Variants in ZNF324B observed in about 807,000 individuals in gnomAD.
ZNF324B encodes zinc finger protein 324B.
A neutral mutation model predicts 10.6 loss-of-function variants in ZNF324B; 7 were observed. The observed-to-expected ratio is 0.66, with a 90% CI of 0.38 to 1.24. The LOEUF (loss-of-function observed/expected upper bound fraction) is 1.24, where lower values mean the gene tolerates loss of function less well. Ranked by LOEUF, ZNF324B falls within the 50% of genes most tolerant of loss-of-function variation. The pLI, the probability that ZNF324B is intolerant of heterozygous loss-of-function variation, is 0.02. For synonymous variants in ZNF324B, 316 were observed against 321.0 expected (o/e 0.98, Z 0.17); for missense variants, 640 against 764.7 (o/e 0.84, Z 1.92).
the ZNF324B span, chr19:58,440,875 G>C: frequency 2.0e-5 from 3 of 152,328 alleles, no homozygotes; most frequent in East Asian, 3.8e-4. Flanking sequence ...TGTAGGCATG[G>C]AACGTGCGCC....
the ZNF324B span, chr19:58,441,534 A>T: frequency 6.6e-6 from 1 of 152,262 alleles, no homozygotes; most frequent in Non-Finnish European, 1.5e-5. Flanking sequence ...CCTCCTGTGG[A>T]GAATAGAGGT....
chr19:58,456,637 A>G lies in ZNF324B; in HGVS notation c.*58A>G. On this transcript the variant is annotated 3_prime_UTR_variant, in exon 4 of 4. Transcript: ENST00000336614. This position sits in a 1 kb window ranked among gnomAD's most constrained non-coding sequence, Gnocchi z 4.7. ...CTTCTGTGAATCCCTTCCACAGCTA[A>G]AGGGTCCGAGTGCTCTTCAGATCCA... 6.4e-7 allele frequency: 1 copy of G among 1,559,226 alleles called. No homozygotes were observed. Among genetic ancestry groups the G allele is most frequent in the East Asian group, 2.3e-5 (1 of 43,908 alleles).
chr19:58,427,446 T>TTC, the ZNF324B span, among the ~76,000 whole-genome samples: 8 of 68,102 alleles, frequency 1.2e-4, 1 homozygote, highest in African/African-American at 2.1e-4. Context: ...TTCCTTCCTT[T>TTC]CCTTTCCCTT....
Position 58,454,547 on chromosome 19 carries a change from C to T in ZNF324B, c.238+203C>T, listed in dbSNP as rs555291204. The T allele has an allele frequency of 6.8e-6, 4 of 588,268 alleles. No homozygotes were observed. In the South Asian group the frequency reaches 8.6e-5, roughly 13 times the overall value. 36.4% of individuals were successfully genotyped at this position (588,268 alleles called of 1,614,324 possible). Reference sequence around the variant, plus strand: ...TCCAAGGGCACAGGAGCTGGGTTCACACAGAAGGGCCTACCTTCAGCTGGG... The same window carrying T: ...TCCAAGGGCACAGGAGCTGGGTTCATACAGAAGGGCCTACCTTCAGCTGGG... On this transcript the variant is annotated intron_variant, in intron 3 of 3. Transcript: ENST00000336614.
the ZNF324B span, among the ~76,000 whole-genome samples, chr19:58,431,700 A>G: frequency 1.3e-5 from 2 of 152,306 alleles, no homozygotes; most frequent in East Asian, 3.9e-4. Context: ...AGCTTTTTAA[A>G]ATAGGTGCCG....
At chr19:58,434,223 T>C in the ZNF324B span, 12 of 1,613,846 alleles carry the variant, frequency 7.4e-6, no homozygotes, top group Middle Eastern at 3.3e-4. Flanking sequence ...ATTTACCACA[T>C]TGACTGCACT....
Position 58,455,089 on chromosome 19 carries a change from C to A in ZNF324B, c.239-94C>A. On this transcript the variant is annotated intron_variant, in intron 3 of 3. Coordinates refer to ENST00000336614, the MANE Select transcript of ZNF324B (RefSeq NM_207395.3). This position sits in a 1 kb window ranked among gnomAD's most constrained non-coding sequence, Gnocchi z 7.0. ...CTTCTTTTTCCCTAAGCTTTTGTCC[C>A]GGCTCCTGGGCTCCCCCTTGCCTGT... The A allele has an allele frequency of 1.3e-6, 2 of 1,548,664 alleles. No individual in the cohort carries two copies. The highest frequency in any genetic ancestry group is 1.8e-6 in the Non-Finnish European group (2 of 1,125,000).
rs1385150391 is a variant in ZNF324B, at chr19:58,455,465, C to T, written c.521C>T (p.Pro174Leu). The T allele has an allele frequency of 1.2e-6, 2 of 1,613,992 alleles. No individual in the cohort carries two copies. Among genetic ancestry groups the T allele is most frequent in the Non-Finnish European group, 1.7e-6 (2 of 1,179,986 alleles). The stretch of plus-strand genomic sequence containing the variant: ...CTCAGGCCCCCCAAGAGCAGCCGGC[C>T]CAGGGAAAAGACCTTCACAGAGTAC... Reference protein sequence around the residue: ...SPLRPPKSSRPREKTFTEYRV... With the variant: ...SPLRPPKSSRLREKTFTEYRV... The change falls in exon 4 of 4, where the codon CCC becomes CTC. Residue 174 changes from proline (P) to leucine (L), a missense_variant. Pro to Leu is a moderately conservative substitution (Grantham distance 98). This residue lies in a region of ZNF324B where 345 missense variants were observed against 387.9 expected (regional missense o/e 0.89). Transcript: ENST00000336614. This position sits in a 1 kb window ranked among gnomAD's most constrained non-coding sequence, Gnocchi z 7.0.
At chr19:58,448,396 G>C (rs1349583425), upstream of ZNF324B, among the ~76,000 whole-genome samples, 1 of 152,216 alleles carries the variant, frequency 6.6e-6, no homozygotes, top group Non-Finnish European at 1.5e-5. Context: ...CCCTGCTGTA[G>C]AGATTTGTGG....
Position 58,456,751 on chromosome 19 carries a change from A to C in ZNF324B, c.*172A>C, listed in dbSNP as rs2052927132. 3 of 782,298 alleles carry C rather than the reference A, an allele frequency of 3.8e-6. No individual in the cohort carries two copies. The Admixed American group carries it at 8.7e-5, about 23-fold the overall frequency. 48.5% of individuals were successfully genotyped at this position (782,298 alleles called of 1,614,324 possible). ...TTTGCAGGTGGGGACAGGATTTGCC[A>C]GTTTAGTCATAGCTCACACCTCCAT... On this transcript the variant is annotated 3_prime_UTR_variant, in exon 4 of 4. Coordinates refer to ENST00000336614, the MANE Select transcript of ZNF324B (RefSeq NM_207395.3). This position sits in a 1 kb window ranked among gnomAD's most constrained non-coding sequence, Gnocchi z 4.7.
chr19:58,445,389 A>G, the ZNF324B span: 3 of 517,568 alleles, frequency 5.8e-6, no homozygotes, highest in Non-Finnish European at 1.2e-5. Flanking sequence ...AAAACCCTCT[A>G]TGAGTGCAGC....
rs1446646336 is a variant in ZNF324B, at chr19:58,455,671, T to C, written c.727T>C (p.Trp243Arg). 5.0e-6 allele frequency: 8 copies of C among 1,613,304 alleles called. No homozygotes were observed. The highest frequency in any genetic ancestry group is 6.8e-6 in the Non-Finnish European group (8 of 1,179,828). Reference protein sequence around the residue: ...RLLGGQEPSTWDELGEALHAG... With the variant: ...RLLGGQEPSTRDELGEALHAG... ...CCTCGGTGGCCAGGAGCCCTCGACC[T>C]GGGACGAGCTGGGCGAGGCTCTTCA... The change falls in exon 4 of 4, where the codon TGG becomes CGG. Residue 243 changes from tryptophan (W) to arginine (R), a missense_variant. Physicochemically the swap from Trp to Arg is moderately radical, Grantham distance 101. Transcript: ENST00000336614. This position sits in a 1 kb window ranked among gnomAD's most constrained non-coding sequence, Gnocchi z 7.0.
the ZNF324B span, among the ~76,000 whole-genome samples, chr19:58,419,947 C>T: frequency 2.0e-5 from 3 of 152,108 alleles, no homozygotes; most frequent in Non-Finnish European, 4.4e-5. Context: ...TGAGTAGCAG[C>T]GACTACAGTT....
chr19:58,442,459 C>G, the ZNF324B span: 25,648 of 152,098 alleles, frequency 0.17, 2,377 homozygotes, highest in Non-Finnish European at 0.21. Flanking sequence ...CAGGCGTGAG[C>G]CACCGCGCCC....
the ZNF324B span, among the ~76,000 whole-genome samples, chr19:58,425,472 C>CT: frequency 0.016 from 2,142 of 135,204 alleles, 69 homozygotes; most frequent in Admixed American, 0.064. Flanking sequence ...TCCTTCTTTC[C>CT]TTTTTTTTTT....
chr19:58,440,482 G>C, the ZNF324B span: 1 of 152,738 alleles, frequency 6.5e-6, no homozygotes, highest in Non-Finnish European at 1.5e-5. Flanking sequence ...CCATCACTTT[G>C]GCATTTCTCG....
chr19:58,432,438 A>G, the ZNF324B span: 17 of 397,408 alleles, frequency 4.3e-5, no homozygotes, highest in East Asian at 1.2e-3. Context: ...CATGTGCCCT[A>G]GTTCACCAGT....
chr19:58,445,718 G>A, the ZNF324B span: 946 of 327,792 alleles, frequency 2.9e-3, 3 homozygotes, highest in Admixed American at 5.6e-3. Flanking sequence ...CAGAGGCTGA[G>A]GCAGGAGAAT....
upstream of ZNF324B, among the ~76,000 whole-genome samples, chr19:58,449,444 G>T (rs1348856131): frequency 6.6e-6 from 1 of 152,176 alleles, no homozygotes; most frequent in African/African-American, 2.4e-5. Context: ...CCAGACTCCA[G>T]AATGGTAGAT....
Sources: allele counts gnomAD v4.1 joint callset (sites outside exome capture counted in the v4.1 genomes callset), GRCh38; gene constraint gnomAD v4.1.1; regional missense constraint gnomAD v4.1.1; non-coding constraint Gnocchi (gnomAD v3.1); transcripts MANE v1.5; gene names NCBI Gene and HGNC (gene_info 2026-07-23, HGNC 2026-07-21).